Variants in RAB3IP observed in about 807,000 individuals in gnomAD.
The protein encoded by RAB3IP is rab-3A-interacting protein.
A neutral mutation model predicts 59.1 loss-of-function variants in RAB3IP; 36 were observed. The observed-to-expected ratio is 0.61, with a 90% CI of 0.47 to 0.80. The LOEUF (loss-of-function observed/expected upper bound fraction) is 0.80, where lower values mean the gene tolerates loss of function less well. RAB3IP is among the 30% of genes least tolerant of loss of function. The pLI, the probability that RAB3IP is intolerant of heterozygous loss-of-function variation, is 0.00. For synonymous variants in RAB3IP, 207 were observed against 191.2 expected, an observed-to-expected ratio of 1.08 and a Z score of -0.68; for missense variants, 511 against 536.0, an observed-to-expected ratio of 0.95 and a Z score of 0.46.
At chr12:69,759,769 T>C (rs111839255) in intron 3 of RAB3IP, among the ~76,000 whole-genome samples, 3 of 133,476 alleles carry the variant, frequency 2.2e-5, no homozygotes, top group Admixed American at 7.2e-5. Context: ...CCCTCCCGGA[T>C]GGGGCGGCTG....
intron 3 of RAB3IP, among the ~76,000 whole-genome samples, chr12:69,759,058 C>T (rs1055897256): frequency 4.7e-5 from 7 of 149,674 alleles, no homozygotes; most frequent in African/African-American, 1.5e-4. Flanking sequence ...GGTCATAGGA[C>T]AATAGTGGAG....
At position 69,795,265 on chromosome 12, in the gene RAB3IP, A is replaced by C. The variant is rs903234589; in HGVS notation, c.809A>C (p.Asn270Thr). 6.2e-7 allele frequency: 1 copy of C among 1,614,004 alleles called. No homozygotes were observed. Residue 270 changes from asparagine to threonine, a missense_variant, in exon 6 of 11, where the codon AAT becomes ACT. Asn to Thr is a moderately conservative substitution (Grantham distance 65). Coordinates refer to ENST00000247833, the MANE Select transcript of RAB3IP (RefSeq NM_022456.5). ...KTPFKKGHTR[N>T]KSTSSAMSGS... ...CCTTTTAAAAAGGGGCATACAAGAA[A>C]TAAAAGCACAAGCAGTGCTATGAGT...
chr12:69,755,527 T>C lies in RAB3IP; in HGVS notation c.119T>C (p.Ile40Thr), dbSNP rs1463936297. 1 of 1,614,112 alleles carries C rather than the reference T, an allele frequency of 6.2e-7. No homozygotes were observed. The highest frequency in any genetic ancestry group is 8.5e-7 in the Non-Finnish European group (1 of 1,180,004). The change falls in exon 2 of 11, where the codon ATC (isoleucine) becomes ACC (threonine). Residue 40 changes from isoleucine (I) to threonine (T), a missense_variant. Coordinates refer to ENST00000247833, the MANE Select transcript of RAB3IP (RefSeq NM_022456.5). ...TQEQTTSPSV[I>T]YRPHPSALSS... Reference sequence around the variant, plus strand: ...GAGCAGACTACCTCACCAAGTGTCATCTACCGGCCACACCCTTCAGCTTTA... The same window carrying C: ...GAGCAGACTACCTCACCAAGTGTCACCTACCGGCCACACCCTTCAGCTTTA...
At chr12:69,743,687 A>G (rs900896469) in intron 1 of RAB3IP, among the ~76,000 whole-genome samples, 73 of 152,146 alleles carry the variant, frequency 4.8e-4, no homozygotes, top group Admixed American at 1.4e-3. Context: ...ACTAGAAGGA[A>G]GGTTTTCTGA....
At chr12:69,809,630 C>T (rs2136279346) in intron 8 of RAB3IP, among the ~76,000 whole-genome samples, 1 of 152,290 alleles carries the variant, frequency 6.6e-6, no homozygotes, top group African/African-American at 2.4e-5. Context: ...AACTTCTCTT[C>T]ACGCTTCATT....
At chr12:69,779,889 T>A (rs1874374547) in intron 3 of RAB3IP, among the ~76,000 whole-genome samples, 2 of 152,190 alleles carry the variant, frequency 1.3e-5, no homozygotes, top group Non-Finnish European at 2.9e-5. Context: ...CCCTGATTGT[T>A]CTGAATGCTT....
rs1427321314 is a variant in RAB3IP, at chr12:69,795,149, A to G, written c.693A>G (p.Val231=). 3 of 1,612,794 alleles carry G rather than the reference A, an allele frequency of 1.9e-6. No homozygotes were observed. Among genetic ancestry groups the G allele is most frequent in the Non-Finnish European group, 2.5e-6 (3 of 1,179,054 alleles). The change falls in exon 6 of 11, where the codon GTA becomes GTG. Residue 231 remains valine (V), a synonymous_variant. Transcript: ENST00000247833. ...GTTGATTTCTTTCCAAGATTGATGT[A>G]CTTCAAGCTGAAGTAGCTGCATTGA... is the stretch of plus-strand genomic sequence containing the variant. ...QLKEAQGKID[V]LQAEVAALKT... is the part of the protein sequence containing the mutation.
intron 3 of RAB3IP, among the ~76,000 whole-genome samples, chr12:69,773,136 A>G (rs928238844): frequency 6.6e-6 from 1 of 151,998 alleles, no homozygotes; most frequent in Non-Finnish European, 1.5e-5. Context: ...CTGATCTGCA[A>G]GGTTCTTGCT....
chr12:69,782,007 C>G (rs533273519), intron 3 of RAB3IP, among the ~76,000 whole-genome samples: 1 of 152,236 alleles, frequency 6.6e-6, no homozygotes, highest in East Asian at 1.9e-4. Flanking sequence ...ATTAGAGTTC[C>G]TATTTGTTCA....
chr12:69,814,056 CAT>C (rs1300344012), intron 10 of RAB3IP, among the ~76,000 whole-genome samples: 3 of 152,122 alleles, frequency 2.0e-5, no homozygotes, highest in Non-Finnish European at 4.4e-5. Flanking sequence ...GGCCTAATAA[CAT>C]AAAAACAGTC....
intron 1 of RAB3IP, 143 bp downstream of exon 1, chr12:69,739,174 G>A (rs1886994934): frequency 6.6e-6 from 1 of 152,150 alleles, no homozygotes; most frequent in African/African-American, 2.4e-5. Flanking sequence ...GCGGCACGCG[G>A]GGGTTCGGGG....
chr12:69,764,255 C>T (rs977622745), intron 3 of RAB3IP, among the ~76,000 whole-genome samples: 2 of 151,738 alleles, frequency 1.3e-5, no homozygotes, highest in African/African-American at 4.8e-5. Flanking sequence ...AGGTTGTTTT[C>T]TAGGATTCTT....
intron 10 of RAB3IP, among the ~76,000 whole-genome samples, chr12:69,814,188 G>A (rs1277365422): frequency 6.6e-6 from 1 of 152,048 alleles, no homozygotes; most frequent in African/African-American, 2.4e-5. Flanking sequence ...TAATTGCCAA[G>A]AATATAATAT....
At chr12:69,801,835 T>G in intron 8 of RAB3IP, 114 bp downstream of exon 8, 1 of 659,086 alleles carries the variant, frequency 1.5e-6, no homozygotes, top group Non-Finnish European at 2.6e-6. Context: ...CAGATTTCTC[T>G]TAAGCGTCTG....
chr12:69,813,017 C>T lies in RAB3IP; in HGVS notation c.1284C>T (p.Leu428=), dbSNP rs144612806. 24 of 1,611,656 alleles carry T rather than the reference C, an allele frequency of 1.5e-5. No individual in the cohort carries two copies. The highest frequency in any genetic ancestry group is 9.9e-5 in the South Asian group (9 of 90,664). The change falls in exon 10 of 11, where the codon CTC becomes CTT. Residue 428 remains leucine (L), a synonymous_variant. Coordinates refer to ENST00000247833, the MANE Select transcript of RAB3IP (RefSeq NM_022456.5). Reference sequence around the variant, plus strand: ...ACATTCGATACATTCAGCAGGGACTCGTGAAACAGCAGGATGGTGAGTGTT... The same window carrying T: ...ACATTCGATACATTCAGCAGGGACTTGTGAAACAGCAGGATGGTGAGTGTT... ...FTYIRYIQQG[L]VKQQDVDQMF... is the part of the protein sequence containing the mutation.
Position 69,784,709 on chromosome 12 carries a change from A to G in RAB3IP, c.511-11A>G. The G allele has an allele frequency of 1.3e-6, 2 of 1,550,114 alleles. No individual in the cohort carries two copies. The highest frequency in any genetic ancestry group is 2.3e-5 in the East Asian group (1 of 43,980). ...ATGGAGATCCAAAATAAAATTATCAATTTCTCTTAGGAACTGAAGTTAAAA... is the reference window on the plus strand; with the variant it reads ...ATGGAGATCCAAAATAAAATTATCAGTTTCTCTTAGGAACTGAAGTTAAAA... On this transcript the variant is annotated splice_polypyrimidine_tract_variant and intron_variant, in intron 3 of 10. Transcript: ENST00000247833.
At chr12:69,783,655 C>T (rs751619181) in intron 3 of RAB3IP, among the ~76,000 whole-genome samples, 12 of 152,160 alleles carry the variant, frequency 7.9e-5, no homozygotes, top group Non-Finnish European at 1.3e-4. Context: ...GCTTTCTCTC[C>T]GTTTATTCTT....
rs1308391231 is a variant in RAB3IP at position 69,821,068 on chromosome 12, A to G, written c.*5622A>G. On this transcript the variant is annotated 3_prime_UTR_variant, in exon 11 of 11. Coordinates refer to ENST00000247833, the MANE Select transcript of RAB3IP (RefSeq NM_022456.5). The stretch of plus-strand genomic sequence containing the variant: ...GCTTCTCAAGGGAGCACAAGTTCAC[A>G]CACAGTTTACTTTTGGAGGAACGTC... 1 of 152,210 alleles carries G rather than the reference A, an allele frequency of 6.6e-6. No individual in the cohort carries two copies. Among genetic ancestry groups the G allele is most frequent in the Non-Finnish European group, 1.5e-5 (1 of 68,038 alleles). 9.4% of individuals were successfully genotyped at this position (152,210 alleles called of 1,614,324 possible). A position where few individuals can be genotyped will look rare whatever the true frequency, so the allele number is the denominator to read the frequency against.
rs187318039 is a variant in RAB3IP, at chr12:69,747,970, G to T, written c.-25-7414G>T. On this transcript the variant is annotated intron_variant, in intron 1 of 10. Transcript: ENST00000247833. ...CTTTGTTGGAAATGATTTACTTTCT[G>T]AGTGTAGTGCTTTGAGGAATTTTAG... 3.6e-3 allele frequency among the ~76,000 whole-genome samples: 543 copies of T among 152,120 alleles called. 2 individuals carry two copies. The highest frequency in any genetic ancestry group is 0.012 in the African/African-American group (516 of 41,514).
Sources: allele counts gnomAD v4.1 joint callset (sites outside exome capture counted in the v4.1 genomes callset), GRCh38; gene constraint gnomAD v4.1.1; transcripts MANE v1.5; gene names NCBI Gene and HGNC (gene_info 2026-07-23, HGNC 2026-07-21).